The following IQCK variants were observed in gnomAD, a reference collection of about 807,000 sequenced individuals.
IQCK encodes IQ motif containing K, also known as IQ domain-containing protein K.
Under a neutral mutation model 28.1 loss-of-function variants are expected in IQCK, and 29 were observed. The observed-to-expected ratio is 1.03, with a 90% confidence interval of 0.77 to 1.41. The LOEUF (loss-of-function observed/expected upper bound fraction) is 1.41. Among genes scored for constraint, IQCK ranks in the 40% most tolerant of loss-of-function variants. The probability of loss-of-function intolerance (pLI) is 0.00; values close to 1 mark genes in which losing one functional copy is unlikely to be tolerated. For missense variants in IQCK, 359 were observed against 314.7 expected (o/e 1.14, Z -1.07); for synonymous variants, 113 against 115.1 (o/e 0.98, Z 0.12).
In IQCK at chr16:19,827,059, C is replaced by T. The variant is rs752162514; in HGVS notation, c.724C>T (p.Gln242Ter). Residue 242 changes from glutamine (Q) to a stop codon, truncating the protein, a stop_gained, in exon 8 of 8, where the codon CAG becomes TAG. Coordinates refer to ENST00000564186, the Ensembl canonical transcript of IQCK. LOFTEE classifies it high-confidence loss of function. ...TGATCCTGAGATTCAAGAACTGCGT[C>T]AGTGGCAGAAGAAACTTCGCGAGGC... 1.2e-6 allele frequency: 2 copies of T among 1,613,966 alleles called. No individual in the cohort carries two copies. Among genetic ancestry groups the T allele is most frequent in the Non-Finnish European group, 1.7e-6 (2 of 1,179,940 alleles).
intron 6 of IQCK, among the ~76,000 whole-genome samples, chr16:19,778,577 G>C (rs1349754674): frequency 1.3e-5 from 2 of 151,870 alleles, no homozygotes; most frequent in Admixed American, 1.3e-4. Flanking sequence ...GTATCACTTG[G>C]ACCTGGGAGA....
intron 4 of IQCK, chr16:19,761,436 G>A: frequency 2.2e-6 from 1 of 455,568 alleles, no homozygotes; most frequent in Non-Finnish European, 4.4e-6. Flanking sequence ...GAGCAGGCTA[G>A]GGAGGGTGGA....
chr16:19,723,545 T>A (rs1466888987), intron 1 of IQCK, among the ~76,000 whole-genome samples: 2 of 152,152 alleles, frequency 1.3e-5, no homozygotes, highest in Non-Finnish European at 2.9e-5. Flanking sequence ...CAGGGTCGGC[T>A]TCAAACTCAA....
chr16:19,745,057 C>T (rs184618590), intron 4 of IQCK, among the ~76,000 whole-genome samples: 6 of 152,276 alleles, frequency 3.9e-5, no homozygotes, highest in Non-Finnish European at 7.3e-5. Flanking sequence ...CTTTGCTCTC[C>T]TATATTTAAT....
At chr16:19,811,028 A>G (rs1182278224) in intron 7 of IQCK, among the ~76,000 whole-genome samples, 1 of 152,200 alleles carries the variant, frequency 6.6e-6, no homozygotes, top group Non-Finnish European at 1.5e-5. Flanking sequence ...TCACGCCTGT[A>G]ATCCCAACAC....
intron 6 of IQCK, among the ~76,000 whole-genome samples, chr16:19,772,544 T>G (rs1245964659): frequency 6.6e-6 from 1 of 152,182 alleles, no homozygotes; most frequent in East Asian, 1.9e-4. Context: ...CCAAAATATT[T>G]ATATATGAAA....
At chr16:19,723,500 T>C (rs1977561026) in intron 1 of IQCK, among the ~76,000 whole-genome samples, 1 of 152,122 alleles carries the variant, frequency 6.6e-6, no homozygotes, top group Non-Finnish European at 1.5e-5. Context: ...AAATTGAGGC[T>C]TAGAAAGGTT....
chr16:19,826,565 A>AG (rs1346622341), intron 7 of IQCK, among the ~76,000 whole-genome samples: 1 of 152,054 alleles, frequency 6.6e-6, no homozygotes, highest in Non-Finnish European at 1.5e-5. Flanking sequence ...TTTAGTAGAG[A>AG]GGGGGTTTCA....
At chr16:19,731,502 C>T (rs369922637) in intron 2 of IQCK, among the ~76,000 whole-genome samples, 22 of 152,200 alleles carry the variant, frequency 1.4e-4, no homozygotes, top group East Asian at 5.8e-4. Context: ...GCAATTCTTT[C>T]TCAAATTTCT....
chr16:19,768,768 C>G (rs543290309), intron 6 of IQCK, among the ~76,000 whole-genome samples: 1 of 152,144 alleles, frequency 6.6e-6, no homozygotes, highest in Admixed American at 6.6e-5. Context: ...AACAAACAAA[C>G]AAAAATATAT....
At chr16:19,736,600 T>C (rs55687948) in intron 4 of IQCK, among the ~76,000 whole-genome samples, 24,720 of 152,194 alleles carry the variant, frequency 0.16, 2,169 homozygotes, top group South Asian at 0.27. Flanking sequence ...TTTTGAATTC[T>C]AGAATTTTGG....
intron 6 of IQCK, 107 bp downstream of exon 6, chr16:19,764,219 C>G (rs1216403479): frequency 3.4e-6 from 3 of 885,510 alleles, no homozygotes; most frequent in South Asian, 3.4e-5. Context: ...ATCCAGGACT[C>G]TGGGCCAGTC....
At chr16:19,722,791 A>T (rs1301754167) in intron 1 of IQCK, among the ~76,000 whole-genome samples, 1 of 150,280 alleles carries the variant, frequency 6.7e-6, no homozygotes, top group Admixed American at 6.7e-5. Flanking sequence ...ATATCTGCTT[A>T]CTTCAACTTC....
rs534832222 is a variant in IQCK at position 19,731,726 on chromosome 16, A to AT, written c.246+1233dup. On this transcript the variant is annotated intron_variant, in intron 2 of 7. Transcript: ENST00000564186. ...GAGAGACAGAATCAGTAGGATACAT[A>AT]TATGAGAGGGGATTTACTGGGGTAA... Among the ~76,000 whole-genome samples the AT allele has an allele frequency of 7.4e-4, 113 of 152,306 alleles. No homozygotes were observed. In the East Asian group the frequency reaches 0.013, roughly 18 times the overall value.
chr16:19,817,768 A>G (rs1374662588), intron 7 of IQCK, among the ~76,000 whole-genome samples: 1 of 152,244 alleles, frequency 6.6e-6, no homozygotes, highest in Non-Finnish European at 1.5e-5. Context: ...TCCTAAAACA[A>G]TACATGCTCA....
chr16:19,766,377 C>T (rs773009611), intron 6 of IQCK, among the ~76,000 whole-genome samples: 6 of 152,236 alleles, frequency 3.9e-5, no homozygotes, highest in Non-Finnish European at 1.5e-5. Flanking sequence ...AGACCATCCA[C>T]GTGCCCTTCC....
chr16:19,752,376 G>A (rs946337022), intron 4 of IQCK, among the ~76,000 whole-genome samples: 1 of 152,126 alleles, frequency 6.6e-6, no homozygotes, highest in Admixed American at 6.5e-5. Context: ...TTGATAAAAG[G>A]CTTATATTGT....
chr16:19,727,130 CAA>C (rs540006290), intron 1 of IQCK, among the ~76,000 whole-genome samples: 10 of 98,850 alleles, frequency 1.0e-4, no homozygotes, highest in Non-Finnish European at 1.1e-4. Flanking sequence ...GACTCGGTCT[CAA>C]AAAAAAAAAA....
At chr16:19,735,512 A>C (rs1977985753) in intron 4 of IQCK, 62 bp downstream of exon 4, 14 of 1,270,664 alleles carry the variant, frequency 1.1e-5, no homozygotes, top group Non-Finnish European at 1.6e-5. Context: ...TTATCAGATG[A>C]TAGCTCATTA....
Sources: allele counts gnomAD v4.1 joint callset (sites outside exome capture counted in the v4.1 genomes callset), GRCh38; gene constraint gnomAD v4.1.1; transcripts MANE v1.5; gene names NCBI Gene and HGNC (gene_info 2026-07-23, HGNC 2026-07-21).